FAM135B: variants seen among roughly 807,000 people sequenced by gnomAD.
FAM135B encodes protein FAM135B.
Under a neutral mutation model 127.7 loss-of-function variants are expected in FAM135B, and 43 were observed. That is an observed-to-expected ratio of 0.34 (90% CI 0.26 to 0.43). FAM135B has a LOEUF of 0.43. Ranked by LOEUF, FAM135B falls within the 20% of genes least tolerant of loss-of-function variation. The pLI is 1.00. For missense variants in FAM135B, 1,558 were observed against 1,725.6 expected (o/e 0.90, Z 1.72); for synonymous variants, 670 against 665.1 (o/e 1.01, Z -0.11).
chr8:138,172,701 A>T (rs1160340667), intron 11 of FAM135B, among the ~76,000 whole-genome samples: 1 of 152,238 alleles, frequency 6.6e-6, no homozygotes, highest in Non-Finnish European at 1.5e-5. Context: ...ATGACGAATA[A>T]TTATGCAGAG....
chr8:138,247,461 A>G (rs1821376350), intron 6 of FAM135B, among the ~76,000 whole-genome samples: 1 of 152,124 alleles, frequency 6.6e-6, no homozygotes, highest in African/African-American at 2.4e-5. Flanking sequence ...TTTGCTCAGC[A>G]CTTCTCTTTG....
chr8:138,227,802 A>G (rs1819587802), intron 7 of FAM135B, among the ~76,000 whole-genome samples: 2 of 150,230 alleles, frequency 1.3e-5, no homozygotes, highest in South Asian at 4.2e-4. Context: ...TCTCTCAACA[A>G]ATTTTTAAGT....
At chr8:138,303,726 C>G (rs918680924) in intron 3 of FAM135B, among the ~76,000 whole-genome samples, 1 of 152,198 alleles carries the variant, frequency 6.6e-6, no homozygotes, top group African/African-American at 2.4e-5. Context: ...GCTGTGGTGT[C>G]CTGGTGCGTG....
rs763764028 is a variant in FAM135B at position 138,222,676 on chromosome 8, GTGT to G, written c.669+20263_669+20265del. The stretch of plus-strand genomic sequence containing the variant: ...TTTGTTTGTAGGATTTTTGTTGGTG[GTGT>G]TTTTTTTTTTTTTTTTTTTTTTAAT... On this transcript the variant is annotated intron_variant, in intron 7 of 19. Transcript: ENST00000395297. Among the ~76,000 whole-genome samples, 463 of 115,650 alleles carry G rather than the reference GTGT, an allele frequency of 4.0e-3. 6 individuals are homozygous for G. The highest frequency in any genetic ancestry group is 0.027 in the Admixed American group (306 of 11,252). The allele number at this position is 115,650 out of a possible 152,430, so 75.9% of individuals were successfully genotyped here.
At chr8:138,294,215 G>A (rs1373765668) in intron 3 of FAM135B, among the ~76,000 whole-genome samples, 1 of 152,006 alleles carries the variant, frequency 6.6e-6, no homozygotes, top group African/African-American at 2.4e-5. Flanking sequence ...TATGCAGTGT[G>A]GTATAATGGA....
intron 7 of FAM135B, among the ~76,000 whole-genome samples, chr8:138,211,159 C>T (rs1357090739): frequency 6.6e-6 from 1 of 152,172 alleles, no homozygotes; most frequent in African/African-American, 2.4e-5. Flanking sequence ...CATGGGAGAC[C>T]ACTTAGTGGA....
chr8:138,427,675 C>T (rs1195818133), intron 1 of FAM135B, among the ~76,000 whole-genome samples: 1 of 152,034 alleles, frequency 6.6e-6, no homozygotes, highest in African/African-American at 2.4e-5. Flanking sequence ...CATGTAGCAG[C>T]ACTTATTAAG....
At chr8:138,237,174 T>G (rs944292402) in intron 7 of FAM135B, among the ~76,000 whole-genome samples, 1 of 125,644 alleles carries the variant, frequency 8.0e-6, no homozygotes, top group Non-Finnish European at 1.7e-5. Context: ...TTTTTTTTTT[T>G]GTTGGAGACA....
intron 2 of FAM135B, among the ~76,000 whole-genome samples, chr8:138,323,502 A>C (rs1512393): frequency 6.6e-6 from 1 of 151,984 alleles, no homozygotes; most frequent in East Asian, 1.9e-4. Flanking sequence ...TGTGGTTGTT[A>C]AAGCAGGCTT....
chr8:138,492,037 G>GA (rs1357437697), intron 1 of FAM135B, among the ~76,000 whole-genome samples: 5 of 152,156 alleles, frequency 3.3e-5, no homozygotes, highest in Non-Finnish European at 5.9e-5. Context: ...CTCTGAGTTA[G>GA]AAAACCACAA....
At chr8:138,422,830 C>A (rs944176587) in intron 1 of FAM135B, among the ~76,000 whole-genome samples, 1 of 152,182 alleles carries the variant, frequency 6.6e-6, no homozygotes, top group Admixed American at 6.5e-5. Flanking sequence ...CACTGCAGCA[C>A]TTTTCATAAT....
intron 4 of FAM135B, 37 bp from the exon 5 acceptor site, chr8:138,256,796 C>A (rs1215696535): frequency 1.3e-6 from 2 of 1,541,004 alleles, no homozygotes; most frequent in Middle Eastern, 1.7e-4. Flanking sequence ...TTTCAGGAGT[C>A]AAATCTTGTC....
chr8:138,320,613 C>T, intron 2 of FAM135B, among the ~76,000 whole-genome samples: 1 of 152,090 alleles, frequency 6.6e-6, no homozygotes, highest in East Asian at 1.9e-4. Context: ...CACAGCTGTG[C>T]CAGAGAGAGA....
At chr8:138,454,961 T>C (rs1836696214) in intron 1 of FAM135B, among the ~76,000 whole-genome samples, 1 of 152,218 alleles carries the variant, frequency 6.6e-6, no homozygotes, top group Non-Finnish European at 1.5e-5. Flanking sequence ...ATTGAGTCAA[T>C]GATCTCACTT....
chr8:138,270,733 C>A (rs1823313374), intron 3 of FAM135B, among the ~76,000 whole-genome samples: 1 of 152,256 alleles, frequency 6.6e-6, no homozygotes, highest in South Asian at 2.1e-4. Flanking sequence ...GAATCACACC[C>A]AGTAGGGTAA....
intron 13 of FAM135B, among the ~76,000 whole-genome samples, chr8:138,149,713 T>G (rs188082385): frequency 6.6e-6 from 1 of 152,278 alleles, no homozygotes; most frequent in East Asian, 1.9e-4. Flanking sequence ...AGATGCCATC[T>G]TCTCTAGGAA....
chr8:138,426,018 C>CAT (rs1259933522), intron 1 of FAM135B, among the ~76,000 whole-genome samples: 2,556 of 101,594 alleles, frequency 0.025, 139 homozygotes, highest in East Asian at 0.035. Flanking sequence ...TATATACACA[C>CAT]ACATACATAT....
chr8:138,445,072 C>T (rs563169739), intron 1 of FAM135B, among the ~76,000 whole-genome samples: 16 of 151,268 alleles, frequency 1.1e-4, no homozygotes, highest in East Asian at 3.9e-4. Flanking sequence ...ATAAATTCCT[C>T]GACACATACA....
intron 1 of FAM135B, among the ~76,000 whole-genome samples, chr8:138,429,737 G>A (rs766369729): frequency 6.6e-6 from 1 of 152,160 alleles, no homozygotes; most frequent in South Asian, 2.1e-4. Flanking sequence ...AGAGATGTTG[G>A]CGGCCAGTCC....
Sources: allele counts gnomAD v4.1 joint callset (sites outside exome capture counted in the v4.1 genomes callset), GRCh38; gene constraint gnomAD v4.1.1; transcripts MANE v1.5; gene names NCBI Gene and HGNC (gene_info 2026-07-23, HGNC 2026-07-21).